GRIA3: variants seen among roughly 807,000 people sequenced by gnomAD.
GRIA3 encodes glutamate receptor 3.
In GRIA3, 3 loss-of-function variants were observed where a neutral mutation model predicts 63.0. That is an observed-to-expected ratio of 0.05 (90% CI 0.02 to 0.12). GRIA3 has a LOEUF of 0.12. Ranked by LOEUF, GRIA3 falls within the 10% of genes least tolerant of loss-of-function variation. The pLI is 1.00. For missense variants in GRIA3, 347 were observed against 700.9 expected (o/e 0.50, Z 5.70); for synonymous variants, 274 against 257.9 (o/e 1.06, Z -0.60).
At chrX:123,468,816 T>C (rs1197459985) in intron 13 of GRIA3, among the ~76,000 whole-genome samples, 1 of 112,411 alleles carries the variant, frequency 8.9e-6, no homozygotes, top group Non-Finnish European at 1.9e-5. Flanking sequence ...GAATATACCA[T>C]CATTTCACAG....
intron 3 of GRIA3, among the ~76,000 whole-genome samples, chrX:123,259,500 C>A (rs2044438321): frequency 4.1e-5 from 1 of 24,300 alleles, no homozygotes; most frequent in Non-Finnish European, 8.3e-5. Context: ...TCTACACACA[C>A]ACTCATGCGC....
At chrX:123,190,931 A>G (rs1248166598) in intron 2 of GRIA3, among the ~76,000 whole-genome samples, 4 of 112,311 alleles carry the variant, frequency 3.6e-5, no homozygotes, top group Non-Finnish European at 3.8e-5. Flanking sequence ...AGATTGAAAA[A>G]TAAATGAAGC....
At chrX:123,228,684 C>T (rs12560160) in intron 2 of GRIA3, among the ~76,000 whole-genome samples, 2 of 111,574 alleles carry the variant, frequency 1.8e-5, no homozygotes, top group African/African-American at 6.5e-5. Context: ...GACAATGCCT[C>T]ACCATATCCA....
chrX:123,284,915 T>A (rs1453532039), intron 3 of GRIA3, among the ~76,000 whole-genome samples: 1 of 110,232 alleles, frequency 9.1e-6, no homozygotes, highest in East Asian at 2.9e-4. Context: ...ACAAAGATAC[T>A]CCTCGAGAAG....
intron 12 of GRIA3, among the ~76,000 whole-genome samples, chrX:123,461,432 A>G (rs1417069982): frequency 8.9e-6 from 1 of 111,745 alleles, no homozygotes; most frequent in Non-Finnish European, 1.9e-5. Context: ...CACAGAAGAC[A>G]TGACATCTGC....
chrX:123,476,928 T>C (rs769278055), intron 13 of GRIA3, among the ~76,000 whole-genome samples: 15 of 111,867 alleles, frequency 1.3e-4, no homozygotes, highest in African/African-American at 4.2e-4. Context: ...AAATGGCCTC[T>C]GGTTGAAAAC....
intron 7 of GRIA3, among the ~76,000 whole-genome samples, chrX:123,402,546 G>A (rs1229995088): frequency 9.1e-6 from 1 of 110,449 alleles, no homozygotes; most frequent in Non-Finnish European, 1.9e-5. Context: ...TTGAAGCTAC[G>A]ATATGAGTCC....
At chrX:123,454,453 T>C (rs634539) in intron 12 of GRIA3, among the ~76,000 whole-genome samples, 3,438 of 111,755 alleles carry the variant, frequency 0.031, 125 homozygotes, top group African/African-American at 0.11. Flanking sequence ...ATGTTAGTTA[T>C]GATGGGTTTT....
chrX:123,485,352 G>A (rs2147449194), intron 15 of GRIA3, among the ~76,000 whole-genome samples: 1 of 111,788 alleles, frequency 8.9e-6, no homozygotes, highest in African/African-American at 3.3e-5. Context: ...GATGGATCAG[G>A]CAATTATCAG....
At chrX:123,432,322 C>T (rs1182515233) in intron 12 of GRIA3, among the ~76,000 whole-genome samples, 1 of 112,322 alleles carries the variant, frequency 8.9e-6, no homozygotes, top group African/African-American at 3.2e-5. Flanking sequence ...CATTAAATGT[C>T]TGATGGTGGA....
Position 123,475,281 on chromosome X carries a change from TG to T in GRIA3, c.2325-4781del, listed in dbSNP as rs2045882038. ...TTTTAGACAAAATAGAACAAAGAGTTGTAGTTTATAAATATTTACTCTTTGT... is the reference window on the plus strand; with the variant it reads ...TTTTAGACAAAATAGAACAAAGAGTTTAGTTTATAAATATTTACTCTTTGT... On this transcript the variant is annotated intron_variant, in intron 13 of 15. Transcript: ENST00000620443. Among the ~76,000 whole-genome samples, 3 of 112,164 alleles carry T rather than the reference TG, an allele frequency of 2.7e-5. No individual in the cohort carries two copies. In the South Asian group the frequency reaches 1.1e-3, roughly 41 times the overall value.
At chrX:123,455,586 A>G (rs2045757045) in intron 12 of GRIA3, among the ~76,000 whole-genome samples, 1 of 111,896 alleles carries the variant, frequency 8.9e-6, no homozygotes, top group African/African-American at 3.2e-5. Context: ...TGATCACTTT[A>G]CATGGTGAAG....
At chrX:123,322,335 G>T (rs1223582250) in intron 3 of GRIA3, among the ~76,000 whole-genome samples, 1 of 112,338 alleles carries the variant, frequency 8.9e-6, no homozygotes, top group Non-Finnish European at 1.9e-5. Context: ...GAAGAGGAAA[G>T]TGGATAGCGA....
intron 2 of GRIA3, among the ~76,000 whole-genome samples, chrX:123,208,497 C>T (rs1927953646): frequency 8.9e-6 from 1 of 112,321 alleles, no homozygotes; most frequent in African/African-American, 3.2e-5. Context: ...GATAATTTGA[C>T]CAAATGAAGC....
intron 3 of GRIA3, among the ~76,000 whole-genome samples, chrX:123,306,607 A>G (rs1427442075): frequency 1.8e-5 from 2 of 112,151 alleles, no homozygotes; most frequent in Non-Finnish European, 3.8e-5. Flanking sequence ...CTTACCTTCC[A>G]AAAAGATATA....
At chrX:123,403,168 T>A in intron 8 of GRIA3, 70 bp downstream of exon 8, 1 of 657,419 alleles carries the variant, frequency 1.5e-6, no homozygotes. Context: ...TGTAAGAAAA[T>A]AAGTATTATT....
chrX:123,356,468 T>C (rs2045134411), intron 5 of GRIA3, among the ~76,000 whole-genome samples: 1 of 111,393 alleles, frequency 9.0e-6, no homozygotes, highest in African/African-American at 3.3e-5. Context: ...TTAGGTAGTA[T>C]ACGCACGCAA....
At chrX:123,253,853 G>A (rs1303088031) in intron 3 of GRIA3, among the ~76,000 whole-genome samples, 1 of 111,882 alleles carries the variant, frequency 8.9e-6, no homozygotes, top group East Asian at 2.8e-4. Context: ...TGAAGTAAAA[G>A]CAGCTTAGTC....
At chrX:123,441,029 T>C (rs2045671122) in intron 12 of GRIA3, among the ~76,000 whole-genome samples, 2 of 112,082 alleles carry the variant, frequency 1.8e-5, no homozygotes, top group South Asian at 3.7e-4. Flanking sequence ...GGAAATGCCA[T>C]TCATACTGAG....
Sources: gnomAD v4.1 joint callset for allele counts (sites outside exome capture counted in the v4.1 genomes callset) on GRCh38, gnomAD v4.1.1 for gene constraint, MANE v1.5 for transcripts, NCBI Gene and HGNC (gene_info 2026-07-23, HGNC 2026-07-21) for gene names.